Variants in DCAF6 observed in about 807,000 individuals in gnomAD.
The protein encoded by DCAF6 is DDB1 and CUL4 associated factor 6.
A neutral mutation model predicts 125.1 loss-of-function variants in DCAF6; 54 were observed. The ratio of observed to expected loss-of-function variants is 0.43; its 90% CI spans 0.35 to 0.54. The LOEUF is 0.54. Among genes scored for constraint, DCAF6 ranks in the 20% least tolerant of loss-of-function variants. The pLI is 0.01. For synonymous variants in DCAF6, 371 were observed against 390.4 expected (o/e 0.95, Z 0.58); for missense variants, 934 against 1,161.7 (o/e 0.80, Z 2.85).
chr1:167,880,196 T>G, the DCAF6 span: 1 of 1,611,482 alleles, frequency 6.2e-7, no homozygotes, highest in South Asian at 1.1e-5. Context: ...ACAGTTCTGG[T>G]GCAGGGGAGA....
At chr1:167,997,420 C>T (rs1029890862) in intron 7 of DCAF6, among the ~76,000 whole-genome samples, 3 of 152,160 alleles carry the variant, frequency 2.0e-5, no homozygotes, top group African/African-American at 7.2e-5. Flanking sequence ...TGGTTATTCC[C>T]TGTCACACAC....
chr1:168,029,675 AG>A (rs1186204313), intron 12 of DCAF6, among the ~76,000 whole-genome samples: 1 of 152,234 alleles, frequency 6.6e-6, no homozygotes, highest in East Asian at 1.9e-4. Context: ...ACTGAGGCAA[AG>A]GGTGGTTAAG....
intron 9 of DCAF6, 92 bp downstream of exon 9, chr1:168,004,081 GT>G (rs1403416077): frequency 5.7e-6 from 8 of 1,391,600 alleles, no homozygotes; most frequent in Non-Finnish European, 7.9e-6. Context: ...ATTATACCAT[GT>G]TTTACATCTG....
chr1:168,075,448 G>A lies in DCAF6; in HGVS notation c.*13G>A. The stretch of plus-strand genomic sequence containing the variant: ...GGATGAGGAATAATAAACTCTTTTT[G>A]GCAAGCACTTAAATGTTCTGAAATT... On this transcript the variant is annotated 3_prime_UTR_variant, in exon 22 of 22. Transcript: ENST00000367840. 1 of 1,585,776 alleles carries A rather than the reference G, an allele frequency of 6.3e-7. No homozygotes were observed. Among genetic ancestry groups the A allele is most frequent in the Non-Finnish European group, 8.5e-7 (1 of 1,170,666 alleles).
At chr1:168,041,357 T>G (rs1378675251) in intron 13 of DCAF6, among the ~76,000 whole-genome samples, 1 of 152,090 alleles carries the variant, frequency 6.6e-6, no homozygotes, top group Non-Finnish European at 1.5e-5. Context: ...TTGTTGCAAA[T>G]ATTTTTCCCA....
chr1:167,983,547 A>G (rs1679511894), intron 4 of DCAF6, among the ~76,000 whole-genome samples: 1 of 152,178 alleles, frequency 6.6e-6, no homozygotes, highest in South Asian at 2.1e-4. Flanking sequence ...TTGGAAATTT[A>G]CAACTCTGCC....
intron 4 of DCAF6, among the ~76,000 whole-genome samples, chr1:167,985,900 G>T (rs1679936351): frequency 6.6e-6 from 1 of 152,128 alleles, no homozygotes; most frequent in Non-Finnish European, 1.5e-5. Context: ...AGGGTTTACT[G>T]CTTTCTAGGC....
chr1:167,993,004 A>G (rs1399794545), intron 6 of DCAF6, among the ~76,000 whole-genome samples: 1 of 152,144 alleles, frequency 6.6e-6, no homozygotes. Context: ...ATTCTAGACA[A>G]TCATGAATTT....
intron 3 of DCAF6, among the ~76,000 whole-genome samples, chr1:167,967,067 T>C (rs533778294): frequency 4.4e-4 from 67 of 152,148 alleles, no homozygotes; most frequent in Non-Finnish European, 7.8e-4. Flanking sequence ...TGTGTTACCT[T>C]AATATATTAT....
intron 13 of DCAF6, among the ~76,000 whole-genome samples, chr1:168,039,766 T>C (rs1246028170): frequency 6.7e-6 from 1 of 149,480 alleles, no homozygotes; most frequent in Non-Finnish European, 1.5e-5. Context: ...TAGTTATGTA[T>C]TGTCTTAATA....
intron 2 of DCAF6, among the ~76,000 whole-genome samples, chr1:167,962,455 T>A (rs1675762704): frequency 6.6e-6 from 1 of 152,240 alleles, no homozygotes; most frequent in South Asian, 2.1e-4. Flanking sequence ...AATACCCTTC[T>A]TTTTCCCTGA....
intron 3 of DCAF6, among the ~76,000 whole-genome samples, chr1:167,970,145 A>C (rs1027395743): frequency 2.6e-5 from 4 of 152,180 alleles, no homozygotes; most frequent in Admixed American, 2.6e-4. Context: ...GACGATCACT[A>C]TTCAGAATTT....
Position 168,065,584 on chromosome 1 carries a change from C to T in DCAF6, c.2440-6C>T. Reference sequence around the variant, plus strand: ...GAATTTTTAAATAATTTTTTTTAACCCTTAGATAAAAGAAGCCAATTTCTG... The same window carrying T: ...GAATTTTTAAATAATTTTTTTTAACTCTTAGATAAAAGAAGCCAATTTCTG... On this transcript the variant is annotated splice_region_variant and splice_polypyrimidine_tract_variant and intron_variant, in intron 18 of 21. Transcript: ENST00000367840. 6.4e-7 allele frequency: 1 copy of T among 1,556,702 alleles called. No homozygotes were observed. The highest frequency in any genetic ancestry group is 8.7e-7 in the Non-Finnish European group (1 of 1,148,080).
chr1:167,963,828 C>T (rs1210253351), intron 2 of DCAF6, among the ~76,000 whole-genome samples: 1 of 151,954 alleles, frequency 6.6e-6, no homozygotes, highest in African/African-American at 2.4e-5. Context: ...ATTATTTGCC[C>T]TAAAGTTTTC....
the DCAF6 span, among the ~76,000 whole-genome samples, chr1:167,925,449 A>G: frequency 1.1e-4 from 11 of 104,592 alleles, no homozygotes; most frequent in African/African-American, 3.2e-4. Context: ...ACACATATAT[A>G]TATATATATA....
chr1:168,028,816 T>C (rs1349697329), intron 12 of DCAF6, among the ~76,000 whole-genome samples: 2 of 152,148 alleles, frequency 1.3e-5, no homozygotes, highest in African/African-American at 2.4e-5. Flanking sequence ...TTTAAACATA[T>C]TGACAATTCT....
At position 168,071,803 on chromosome 1, in the gene DCAF6, G is replaced by A. The variant is rs78286591; in HGVS notation, c.2791+3340G>A. 3.9e-3 allele frequency among the ~76,000 whole-genome samples: 601 copies of A among 152,256 alleles called. 3 individuals are homozygous for A. The highest frequency in any genetic ancestry group is 6.3e-3 in the Non-Finnish European group (431 of 68,024). On this transcript the variant is annotated intron_variant, in intron 21 of 21. Coordinates refer to ENST00000367840, the MANE Select transcript of DCAF6 (RefSeq NM_001198956.2). The stretch of plus-strand genomic sequence containing the variant: ...TACTCTGGCCTTCAAGGTCCTACAT[G>A]ACATACATTCTGCCAACCTCTGACT...
At chr1:167,959,074 C>A (rs1320529674) in intron 2 of DCAF6, among the ~76,000 whole-genome samples, 4 of 152,282 alleles carry the variant, frequency 2.6e-5, no homozygotes, top group African/African-American at 9.6e-5. Flanking sequence ...GACCACTGAT[C>A]TTTTTATAGT....
chr1:167,960,917 A>G lies in DCAF6; in HGVS notation c.160-5712A>G, dbSNP rs889056599. On this transcript the variant is annotated intron_variant, in intron 2 of 21. Transcript: ENST00000367840. ...TTTTGATAGGAATTGCATTGAATCTATAGAACAAGTTGGGAATAATTGACA... is the reference window on the plus strand; with the variant it reads ...TTTTGATAGGAATTGCATTGAATCTGTAGAACAAGTTGGGAATAATTGACA... Among the ~76,000 whole-genome samples, 4 of 152,214 alleles carry G rather than the reference A, an allele frequency of 2.6e-5. No homozygotes were observed. In the South Asian group the frequency reaches 6.2e-4, roughly 24 times the overall value.
Sources: gnomAD v4.1 joint callset for allele counts (sites outside exome capture counted in the v4.1 genomes callset) on GRCh38, gnomAD v4.1.1 for gene constraint, MANE v1.5 for transcripts, NCBI Gene and HGNC (gene_info 2026-07-23, HGNC 2026-07-21) for gene names.